XCR1: variants seen among roughly 807,000 people sequenced by gnomAD.
XCR1 encodes the protein chemokine XC receptor 1.
For missense variants in XCR1, 356 were observed against 424.2 expected (o/e 0.84, Z 1.41); for synonymous variants, 187 against 188.5 (o/e 0.99, Z 0.06).
At chr3:46,080,675 A>G (rs964677620) in intron 1 of XCR1, among the ~76,000 whole-genome samples, 2 of 152,202 alleles carry the variant, frequency 1.3e-5, no homozygotes, top group Admixed American at 6.5e-5. Flanking sequence ...CAGGAAAGAT[A>G]AAGGAACCAA....
intron 1 of XCR1, among the ~76,000 whole-genome samples, chr3:46,080,198 GA>G (rs905571205): frequency 4.5e-5 from 6 of 131,924 alleles, no homozygotes; most frequent in Non-Finnish European, 9.6e-5. Flanking sequence ...AAAAAAAAAA[GA>G]AAAAAAAAGC....
chr3:46,031,751 G>A (rs763835715), upstream of XCR1, among the ~76,000 whole-genome samples: 5 of 152,208 alleles, frequency 3.3e-5, no homozygotes, highest in Admixed American at 6.5e-5. Context: ...GGCCACCCAT[G>A]GACTTTCTCC....
intron 4 of XCR1, among the ~76,000 whole-genome samples, chr3:46,060,797 T>A (rs775437929): frequency 1.4e-4 from 22 of 152,224 alleles, no homozygotes; most frequent in Non-Finnish European, 8.8e-5. Context: ...CACATCCTCC[T>A]GGAGGACGCT....
intron 5 of XCR1, among the ~76,000 whole-genome samples, chr3:46,044,252 G>A (rs1244962071): frequency 1.3e-5 from 2 of 152,194 alleles, no homozygotes; most frequent in Non-Finnish European, 2.9e-5. Flanking sequence ...CTCCCAAAGT[G>A]CTGGGATTAC....
chr3:46,031,702 C>G (rs1381362815), upstream of XCR1, among the ~76,000 whole-genome samples: 3 of 152,254 alleles, frequency 2.0e-5, no homozygotes, highest in Admixed American at 6.5e-5. Context: ...CCACGAACCA[C>G]AGGGGGACCT....
chr3:46,023,272 C>G, intron 1 of XCR1: 1 of 706,294 alleles, frequency 1.4e-6, no homozygotes, highest in Non-Finnish European at 2.5e-6. Context: ...CCCACCGCTC[C>G]CCTTCCTAAG....
intron 3 of XCR1, among the ~76,000 whole-genome samples, chr3:46,067,957 G>T (rs925861545): frequency 6.6e-6 from 1 of 152,176 alleles, no homozygotes; most frequent in African/African-American, 2.4e-5. Context: ...GTCTTTGTGT[G>T]TTAAGCTATA....
chr3:46,053,933 G>A (rs1228222588), exon 5 of XCR1, among the ~76,000 whole-genome samples: 4 of 143,798 alleles, frequency 2.8e-5, no homozygotes, highest in East Asian at 4.6e-4. Flanking sequence ...AATTATATCC[G>A]CTGCTGGCAG....
chr3:46,027,343 G>A (rs71327010), intron 1 of XCR1, 74 bp downstream of exon 1: 1 of 152,168 alleles, frequency 6.6e-6, no homozygotes, highest in African/African-American at 2.4e-5. Context: ...GTGCAGCAAA[G>A]CTTAAGAACT....
chr3:46,040,037 C>T (rs1697510723), intron 5 of XCR1, among the ~76,000 whole-genome samples: 2 of 151,956 alleles, frequency 1.3e-5, no homozygotes, highest in Admixed American at 1.3e-4. Context: ...TAATAATACC[C>T]CATACAAAGG....
At chr3:46,063,519 G>C (rs1342463686) in intron 4 of XCR1, among the ~76,000 whole-genome samples, 1 of 152,166 alleles carries the variant, frequency 6.6e-6, no homozygotes, top group Non-Finnish European at 1.5e-5. Flanking sequence ...CGCCAACCAG[G>C]AGAAAAGGGA....
chr3:46,064,364 A>T (rs1297003824), intron 4 of XCR1, among the ~76,000 whole-genome samples: 2 of 152,138 alleles, frequency 1.3e-5, no homozygotes, highest in Non-Finnish European at 2.9e-5. Context: ...CATACCAGGA[A>T]CTCAACAAAC....
At chr3:46,053,373 A>G (rs1040828989) in intron 5 of XCR1, among the ~76,000 whole-genome samples, 1 of 147,780 alleles carries the variant, frequency 6.8e-6, no homozygotes, top group African/African-American at 2.7e-5. Context: ...GCAGAACGTA[A>G]AATTCTTTGT....
At chr3:46,071,598 A>G (rs1698164845) in intron 3 of XCR1, among the ~76,000 whole-genome samples, 1 of 152,242 alleles carries the variant, frequency 6.6e-6, no homozygotes, top group Admixed American at 6.5e-5. Context: ...GCATATCCAA[A>G]AGATAATACA....
intron 3 of XCR1, among the ~76,000 whole-genome samples, chr3:46,068,438 G>GTCT (rs1316169551): frequency 1.3e-5 from 2 of 152,038 alleles, no homozygotes; most frequent in Admixed American, 1.3e-4. Flanking sequence ...TAAATGCAGT[G>GTCT]TCTTTTTTCC....
At chr3:46,026,954 T>C (rs1475509569) in intron 1 of XCR1, among the ~76,000 whole-genome samples, 1 of 151,604 alleles carries the variant, frequency 6.6e-6, no homozygotes, top group Non-Finnish European at 1.5e-5. Flanking sequence ...TGCAGTGGTG[T>C]GATCACATCT....
chr3:46,061,558 C>T (rs898233816), intron 4 of XCR1, among the ~76,000 whole-genome samples: 2 of 152,224 alleles, frequency 1.3e-5, no homozygotes, highest in African/African-American at 4.8e-5. Flanking sequence ...CCTGCATTCC[C>T]TTCTCTCTTA....
intron 5 of XCR1, among the ~76,000 whole-genome samples, chr3:46,032,940 C>A (rs1287852062): frequency 6.6e-6 from 1 of 152,118 alleles, no homozygotes; most frequent in Non-Finnish European, 1.5e-5. Context: ...GGTGAAGTGT[C>A]TGTTTAGATA....
chr3:46,065,819 A>G (rs997913972), intron 4 of XCR1, among the ~76,000 whole-genome samples: 1 of 152,216 alleles, frequency 6.6e-6, no homozygotes, highest in African/African-American at 2.4e-5. Context: ...AAATGTGTGT[A>G]GGGTCCTAGA....
Sources: gnomAD v4.1 joint callset for allele counts (sites outside exome capture counted in the v4.1 genomes callset) on GRCh38, gnomAD v4.1.1 for gene constraint, MANE v1.5 for transcripts, NCBI Gene and HGNC (gene_info 2026-07-23, HGNC 2026-07-21) for gene names.